FAM184B: variants seen among roughly 807,000 people sequenced by gnomAD.
FAM184B encodes the protein protein FAM184B.
Under a neutral mutation model 135.9 loss-of-function variants are expected in FAM184B, and 111 were observed. That is an observed-to-expected ratio of 0.82 (90% CI 0.70 to 0.96). The LOEUF is 0.96. Ranked by LOEUF, FAM184B falls within the 40% of genes least tolerant of loss-of-function variation. The pLI, the probability that FAM184B is intolerant of heterozygous loss-of-function variation, is 0.00. For missense variants in FAM184B, 1,375 were observed against 1,323.9 expected, an observed-to-expected ratio of 1.04 and a Z score of -0.60; for synonymous variants, 552 against 524.8, an observed-to-expected ratio of 1.05 and a Z score of -0.71.
intron 7 of FAM184B, among the ~76,000 whole-genome samples, chr4:17,673,933 C>G (rs1036846661): frequency 2.0e-5 from 3 of 151,720 alleles, no homozygotes; most frequent in Non-Finnish European, 2.9e-5. Flanking sequence ...AAATTTAAAA[C>G]AACAACAACA....
chr4:17,771,230 G>C (rs777760871), intron 1 of FAM184B, among the ~76,000 whole-genome samples: 1 of 152,170 alleles, frequency 6.6e-6, no homozygotes, highest in Non-Finnish European at 1.5e-5. Context: ...TGGGAATGCT[G>C]ATTCAGTTTT....
chr4:17,762,928 C>T (rs1718577953), intron 1 of FAM184B, among the ~76,000 whole-genome samples: 1 of 152,200 alleles, frequency 6.6e-6, no homozygotes, highest in African/African-American at 2.4e-5. Flanking sequence ...ACTGCCCTGA[C>T]TTTTGAATCA....
At chr4:17,735,997 G>A (rs911049167) in intron 1 of FAM184B, among the ~76,000 whole-genome samples, 1 of 152,180 alleles carries the variant, frequency 6.6e-6, no homozygotes, top group East Asian at 1.9e-4. Flanking sequence ...GATGATGATG[G>A]TGGTGATGAT....
intron 1 of FAM184B, among the ~76,000 whole-genome samples, chr4:17,747,778 G>A (rs1431857733): frequency 2.0e-5 from 3 of 151,760 alleles, no homozygotes; most frequent in East Asian, 3.9e-4. Context: ...AAAATTAGCC[G>A]GGCGAGGTGG....
At chr4:17,718,445 C>A (rs1350121097) in intron 1 of FAM184B, among the ~76,000 whole-genome samples, 1 of 152,124 alleles carries the variant, frequency 6.6e-6, no homozygotes, top group Non-Finnish European at 1.5e-5. Flanking sequence ...ACAAATAAGA[C>A]CATTCTGTTG....
intron 1 of FAM184B, among the ~76,000 whole-genome samples, chr4:17,720,298 C>T (rs1717490842): frequency 6.6e-6 from 1 of 152,184 alleles, no homozygotes; most frequent in South Asian, 2.1e-4. Context: ...TTAATACCTG[C>T]TCTTCCCACA....
At chr4:17,742,737 T>A (rs150650015) in intron 1 of FAM184B, among the ~76,000 whole-genome samples, 2 of 152,320 alleles carry the variant, frequency 1.3e-5, no homozygotes, top group Non-Finnish European at 2.9e-5. Context: ...AGCCTCCCTT[T>A]CTGCTGAGGG....
intron 5 of FAM184B, among the ~76,000 whole-genome samples, chr4:17,694,811 G>A (rs6825100): frequency 0.3 from 45,422 of 152,100 alleles, 7,824 homozygotes; most frequent in Non-Finnish European, 0.39. Flanking sequence ...CTAACAAGAC[G>A]GCAAACACTA....
At chr4:17,647,507 C>T in intron 12 of FAM184B, 130 bp downstream of exon 12, 2 of 1,203,060 alleles carry the variant, frequency 1.7e-6, no homozygotes, top group Non-Finnish European at 1.1e-6. Context: ...GCTTTGGCCT[C>T]CCAAAGTGCT....
rs142436246 is a variant in FAM184B, at chr4:17,658,410, G to A, written c.1977C>T (p.Leu659=). ...TQQNHAMKAQ[L]EASHQRALRM... is the part of the protein sequence containing the mutation. Reference sequence around the variant, plus strand: ...GCAGGGCTCTCTGGTGGGAAGCCTCGAGCTGGGCTTTCATGGCGTGGTTCT... The same window carrying A: ...GCAGGGCTCTCTGGTGGGAAGCCTCAAGCTGGGCTTTCATGGCGTGGTTCT... The change falls in exon 10 of 18, where the codon CTC becomes CTT. Residue 659 remains leucine, a synonymous_variant. Transcript: ENST00000265018. 1.6e-3 allele frequency: 2,550 copies of A among 1,551,608 alleles called. 30 individuals are homozygous for A. The highest frequency in any genetic ancestry group is 0.013 in the South Asian group (1,093 of 84,044).
intron 1 of FAM184B, among the ~76,000 whole-genome samples, chr4:17,742,889 T>C (rs1577285853): frequency 6.6e-6 from 1 of 152,350 alleles, no homozygotes; most frequent in East Asian, 1.9e-4. Flanking sequence ...GCTGCCACTC[T>C]GACCCTCCAC....
rs955622018 is a variant in FAM184B at position 17,708,834 on chromosome 4, C to T, written c.894+58G>A. ...CAGTGCCTGATCTATAGCAGGTTCA[C>T]AATAAGCAGCCCTGCTGATTTATCC... is the stretch of plus-strand genomic sequence containing the variant. On this transcript the variant is annotated intron_variant, in intron 2 of 17. Coordinates refer to ENST00000265018, the MANE Select transcript of FAM184B (RefSeq NM_015688.2). 10 of 1,453,978 alleles carry T rather than the reference C, an allele frequency of 6.9e-6. No homozygotes were observed. The African/African-American group carries it at 1.3e-4, about 19-fold the overall frequency. The allele number at this position is 1,453,978 out of a possible 1,614,324, so 90.1% of individuals were successfully genotyped here. A position where few individuals can be genotyped will look rare whatever the true frequency, so the allele number is the denominator to read the frequency against.
chr4:17,723,938 C>T lies in FAM184B; in HGVS notation c.142-14294G>A, dbSNP rs145792395. On this transcript the variant is annotated intron_variant, in intron 1 of 17. Transcript: ENST00000265018. ...TGCTGGATGGAAGCTTCCAGTAGCA[C>T]GTCATCACATCCGGGGCAGCAAGAC... Among the ~76,000 whole-genome samples, 361 of 152,244 alleles carry T rather than the reference C, an allele frequency of 2.4e-3. 2 individuals carry two copies. Among genetic ancestry groups the T allele is most frequent in the African/African-American group, 8.3e-3 (344 of 41,540 alleles).
At chr4:17,695,589 TGTG>T (rs981611106) in intron 5 of FAM184B, among the ~76,000 whole-genome samples, 17 of 152,102 alleles carry the variant, frequency 1.1e-4, no homozygotes, top group African/African-American at 4.1e-4. Context: ...TGGCTGGGCC[TGTG>T]GTGGCAGTGC....
At chr4:17,761,184 A>T (rs1718537267) in intron 1 of FAM184B, among the ~76,000 whole-genome samples, 1 of 152,042 alleles carries the variant, frequency 6.6e-6, no homozygotes, top group African/African-American at 2.4e-5. Flanking sequence ...TCCTCAGCTC[A>T]CTGTCAGCAC....
chr4:17,647,273 G>C (rs1162159561), intron 12 of FAM184B, among the ~76,000 whole-genome samples: 1 of 130,602 alleles, frequency 7.7e-6, no homozygotes, highest in Non-Finnish European at 1.6e-5. Flanking sequence ...TTTTTTTTGA[G>C]ACAGGGTCTT....
chr4:17,751,355 T>C (rs1376322490), intron 1 of FAM184B, among the ~76,000 whole-genome samples: 1 of 151,278 alleles, frequency 6.6e-6, no homozygotes, highest in African/African-American at 2.4e-5. Context: ...AGTACCCTTC[T>C]TCTTTAGTAG....
At position 17,705,226 on chromosome 4, in the gene FAM184B, C is replaced by T. The variant is rs534411887; in HGVS notation, c.1171-20G>A. 5.1e-5 allele frequency: 79 copies of T among 1,538,732 alleles called. No homozygotes were observed. The African/African-American group carries it at 8.7e-4, about 17-fold the overall frequency. ...CTTGGTCTATAAAAAGAAAAAGGAC[C>T]TTGTAAAACCACTGGGGAGGGGTGA... On this transcript the variant is annotated intron_variant, in intron 4 of 17. Transcript: ENST00000265018.
chr4:17,754,120 G>A (rs1233674244), intron 1 of FAM184B, among the ~76,000 whole-genome samples: 1 of 152,124 alleles, frequency 6.6e-6, no homozygotes, highest in Non-Finnish European at 1.5e-5. Flanking sequence ...GGTTACTTTA[G>A]CTCCATACCC....
Sources: gnomAD v4.1 joint callset for allele counts (sites outside exome capture counted in the v4.1 genomes callset) on GRCh38, gnomAD v4.1.1 for gene constraint, MANE v1.5 for transcripts, NCBI Gene and HGNC (gene_info 2026-07-23, HGNC 2026-07-21) for gene names.